The following FYB2 variants were observed in gnomAD, a reference collection of about 807,000 sequenced individuals.
FYB2 encodes FYN binding protein 2, also known as FYN-binding protein 2.
A neutral mutation model predicts 94.1 loss-of-function variants in FYB2; 103 were observed. The observed-to-expected ratio is 1.09, with a 90% CI of 0.93 to 1.29. The LOEUF is 1.29. Ranked by LOEUF, FYB2 falls within the 50% of genes most tolerant of loss-of-function variation. The pLI is 0.00. For synonymous variants in FYB2, 293 were observed against 287.9 expected, an observed-to-expected ratio of 1.02 and a Z score of -0.18; for missense variants, 896 against 841.5, an observed-to-expected ratio of 1.06 and a Z score of -0.80.
At chr1:56,751,564 T>C (rs1645199609) in intron 8 of FYB2, among the ~76,000 whole-genome samples, 1 of 152,062 alleles carries the variant, frequency 6.6e-6, no homozygotes, top group African/African-American at 2.4e-5. Flanking sequence ...GAGTAACTGG[T>C]CACTGGTTCC....
intron 7 of FYB2, among the ~76,000 whole-genome samples, chr1:56,755,558 G>T (rs1376581436): frequency 6.6e-6 from 1 of 152,116 alleles, no homozygotes; most frequent in Non-Finnish European, 1.5e-5. Flanking sequence ...TTATTTTCCT[G>T]TTTGAGTGTG....
intron 1 of FYB2, among the ~76,000 whole-genome samples, chr1:56,807,412 C>A (rs772092177): frequency 6.6e-6 from 1 of 152,116 alleles, no homozygotes; most frequent in Non-Finnish European, 1.5e-5. Context: ...GCATCTGGGG[C>A]AGGTTTTACA....
intron 4 of FYB2, among the ~76,000 whole-genome samples, chr1:56,772,882 T>G (rs1046670808): frequency 6.6e-6 from 1 of 152,196 alleles, no homozygotes; most frequent in Admixed American, 6.5e-5. Context: ...ATATTGTATT[T>G]TAAAATAAGT....
chr1:56,720,059 A>C lies in FYB2; in HGVS notation c.2132-4T>G, dbSNP rs2100464757. 1.9e-6 allele frequency: 3 copies of C among 1,600,818 alleles called. No individual in the cohort carries two copies. The South Asian group carries it at 3.4e-5, about 18-fold the overall frequency. ...TGTTCAATGAGCACATATCCATCTA[A>C]TAGAAACAAAAGTCACCGTTAATTT... On this transcript the variant is annotated splice_region_variant and splice_polypyrimidine_tract_variant and intron_variant, in intron 18 of 19. Transcript: ENST00000343433.
At chr1:56,822,718 G>A (rs1646999489), upstream of FYB2, among the ~76,000 whole-genome samples, 1 of 142,452 alleles carries the variant, frequency 7.0e-6, no homozygotes, top group South Asian at 2.3e-4. Flanking sequence ...TGTATCATAA[G>A]CAATGGTGTG....
intron 1 of FYB2, among the ~76,000 whole-genome samples, chr1:56,805,130 C>T (rs529010582): frequency 6.6e-6 from 1 of 152,302 alleles, no homozygotes; most frequent in South Asian, 2.1e-4. Flanking sequence ...GTACCTTCTG[C>T]TTCCCTCTGT....
chr1:56,792,265 C>T lies in FYB2; in HGVS notation c.548G>A (p.Arg183Lys). The T allele has an allele frequency of 1.2e-6, 2 of 1,612,054 alleles. No homozygotes were observed. Among genetic ancestry groups the T allele is most frequent in the African/African-American group, 1.3e-5 (1 of 74,714 alleles). Reference sequence around the variant, plus strand: ...GGCTCCTTTTGTTTCCAGCTTTTTCCTGGGTTCCTCTGGAGTAAGCCCCAT... The same window carrying T: ...GGCTCCTTTTGTTTCCAGCTTTTTCTTGGGTTCCTCTGGAGTAAGCCCCAT... The part of the protein sequence containing the change: ...KGMGLTPEEP[R>K]KKLETKGAQT... Residue 183 changes from arginine to lysine, a missense_variant, in exon 2 of 20, where the codon AGG (arginine) becomes AAG (lysine). Transcript: ENST00000343433.
intron 11 of FYB2, 82 bp from the exon 12 acceptor site, chr1:56,742,303 T>G (rs1644974277): frequency 9.9e-7 from 1 of 1,010,318 alleles, no homozygotes; most frequent in South Asian, 1.6e-5. Flanking sequence ...TATTAGATAC[T>G]TACTAGATGC....
chr1:56,769,167 T>C (rs1228481972), intron 4 of FYB2, among the ~76,000 whole-genome samples: 1 of 152,122 alleles, frequency 6.6e-6, no homozygotes, highest in East Asian at 1.9e-4. Context: ...GCCTCCTGAA[T>C]AGCTGGGACT....
intron 1 of FYB2, among the ~76,000 whole-genome samples, chr1:56,807,448 A>C (rs957363653): frequency 6.6e-6 from 1 of 152,216 alleles, no homozygotes; most frequent in Non-Finnish European, 1.5e-5. Context: ...TGCTTTTTAA[A>C]GAAGATAAAG....
rs750704733 is a variant in FYB2, at chr1:56,742,171, G to A, written c.1594C>T (p.Pro532Ser). The change falls in exon 12 of 20, where the codon CCA becomes TCA. Residue 532 changes from proline (P) to serine (S), a missense_variant. Physicochemically the swap from Pro to Ser is moderately conservative, Grantham distance 74 (BLOSUM62 -1). Transcript: ENST00000343433. ...EDVYKTKNNY[P>S]KIDLDGKEAL... ...AAGAGAGAAACTCACTCTATCTTTGGGTAGTTGTTCTTTGTTTTGTAGACA... is the reference window on the plus strand; with the variant it reads ...AAGAGAGAAACTCACTCTATCTTTGAGTAGTTGTTCTTTGTTTTGTAGACA... The A allele has an allele frequency of 7.7e-5, 123 of 1,604,290 alleles. 1 individual carries two copies. The highest frequency in any genetic ancestry group is 9.9e-5 in the Non-Finnish European group (116 of 1,173,232).
chr1:56,770,416 C>T (rs548556505), intron 4 of FYB2, among the ~76,000 whole-genome samples: 1 of 152,098 alleles, frequency 6.6e-6, no homozygotes, highest in African/African-American at 2.4e-5. Context: ...CTACGCTACT[C>T]GTTTTAAGAA....
In FYB2 at chr1:56,784,902, C is replaced by T. The variant is rs556294005; in HGVS notation, c.953+2273G>A. Among the ~76,000 whole-genome samples, 26 of 152,284 alleles carry T rather than the reference C, an allele frequency of 1.7e-4. No homozygotes were observed. The South Asian group carries it at 4.8e-3, about 28-fold the overall frequency. ...AACACATAAGTAAACCTATCTAATT[C>T]GTACCTATTATGCAGGATACAGGCC... On this transcript the variant is annotated intron_variant, in intron 4 of 19. Coordinates refer to ENST00000343433, the MANE Select transcript of FYB2 (RefSeq NM_001004303.5).
At chr1:56,758,606 A>G in intron 6 of FYB2, 110 bp downstream of exon 6, 1 of 839,332 alleles carries the variant, frequency 1.2e-6, no homozygotes, top group South Asian at 2.3e-5. Context: ...CAGAAATAGG[A>G]GGAAAAATGA....
chr1:56,821,822 C>A (rs568007098), upstream of FYB2, among the ~76,000 whole-genome samples: 1 of 152,160 alleles, frequency 6.6e-6, no homozygotes, highest in Non-Finnish European at 1.5e-5. Flanking sequence ...ATAAGGAGAA[C>A]TCATACATGA....
chr1:56,787,507 A>T (rs2100940538), intron 3 of FYB2, among the ~76,000 whole-genome samples: 1 of 152,340 alleles, frequency 6.6e-6, no homozygotes, highest in East Asian at 1.9e-4. Flanking sequence ...CATTTCCATC[A>T]CAGGACATGG....
At chr1:56,819,166 C>G (rs555990994) in intron 1 of FYB2, 116 bp downstream of exon 1, 2 of 1,176,644 alleles carry the variant, frequency 1.7e-6, no homozygotes, top group East Asian at 1.0e-4. Context: ...CATGTTTATT[C>G]CTGCCCAGGA....
chr1:56,756,326 C>T (rs146147891), intron 6 of FYB2, among the ~76,000 whole-genome samples: 22 of 152,156 alleles, frequency 1.4e-4, no homozygotes, highest in Admixed American at 6.5e-4. Context: ...GGAATTTCTC[C>T]GTTACTCGCT....
At chr1:56,727,862 A>G (rs1644616685) in intron 15 of FYB2, among the ~76,000 whole-genome samples, 1 of 152,086 alleles carries the variant, frequency 6.6e-6, no homozygotes, top group African/African-American at 2.4e-5. Flanking sequence ...AAGAAAAAGA[A>G]TTTATCCAGA....
Sources: allele counts gnomAD v4.1 joint callset (sites outside exome capture counted in the v4.1 genomes callset), GRCh38; gene constraint gnomAD v4.1.1; transcripts MANE v1.5; gene names NCBI Gene and HGNC (gene_info 2026-07-23, HGNC 2026-07-21).